Variants in CDC25C observed in about 807,000 individuals in gnomAD.
CDC25C encodes the protein M-phase inducer phosphatase 3.
A neutral mutation model predicts 52.5 loss-of-function variants in CDC25C; 48 were observed. That is an observed-to-expected ratio of 0.91 (90% CI 0.72 to 1.16). The LOEUF is 1.16. CDC25C is among the 50% of genes most tolerant of loss of function. The pLI, the probability that CDC25C is intolerant of heterozygous loss-of-function variation, is 0.00. For missense variants in CDC25C, 510 were observed against 566.1 expected (o/e 0.90, Z 1.01); for synonymous variants, 187 against 206.5 (o/e 0.91, Z 0.81).
chr5:138,323,734 G>A (rs920804116), intron 6 of CDC25C, among the ~76,000 whole-genome samples: 14 of 152,180 alleles, frequency 9.2e-5, no homozygotes, highest in Admixed American at 9.2e-4. Flanking sequence ...GCCGAGGTGG[G>A]TGGATCACAA....
intron 7 of CDC25C, among the ~76,000 whole-genome samples, chr5:138,304,571 T>C (rs1240562417): frequency 6.6e-6 from 1 of 151,494 alleles, no homozygotes; most frequent in African/African-American, 2.4e-5. Context: ...AGTGGCACGA[T>C]CATGGCTCAC....
intron 7 of CDC25C, among the ~76,000 whole-genome samples, chr5:138,298,414 C>T (rs777730215): frequency 6.6e-6 from 1 of 152,106 alleles, no homozygotes; most frequent in Non-Finnish European, 1.5e-5. Context: ...CATTCTTCTC[C>T]AGTACACATG....
chr5:138,285,402 G>C lies in CDC25C; in HGVS notation c.*290C>G, dbSNP rs1039733802. 3.1e-5 allele frequency: 10 copies of C among 327,800 alleles called. No homozygotes were observed. The highest frequency in any genetic ancestry group is 2.1e-4 in the African/African-American group (10 of 46,760). The allele number at this position is 327,800 out of a possible 1,614,324, so 20.3% of individuals were successfully genotyped here. ...CCAGAGAGAAAGAGTTGGCTGGCTTGTGAGAAGACATGAGGAGTTGGGAAA... is the reference window on the plus strand; with the variant it reads ...CCAGAGAGAAAGAGTTGGCTGGCTTCTGAGAAGACATGAGGAGTTGGGAAA... On this transcript the variant is annotated 3_prime_UTR_variant, in exon 14 of 14. Coordinates refer to ENST00000323760, the MANE Select transcript of CDC25C (RefSeq NM_001790.5).
chr5:138,302,175 T>C (rs1466872745), intron 7 of CDC25C, among the ~76,000 whole-genome samples: 1 of 151,102 alleles, frequency 6.6e-6, no homozygotes, highest in Non-Finnish European at 1.5e-5. Context: ...TTGTATTTTT[T>C]TGTAGAGACG....
chr5:138,323,468 C>CT (rs940933929), intron 6 of CDC25C, among the ~76,000 whole-genome samples: 26 of 151,358 alleles, frequency 1.7e-4, no homozygotes, highest in Admixed American at 6.6e-5. Flanking sequence ...CCAGCCATTT[C>CT]TTTTTTTTGG....
rs900084397 is a variant in CDC25C, at chr5:138,313,960, C to T, written c.615+5259G>A. 7.8e-5 allele frequency among the ~76,000 whole-genome samples: 8 copies of T among 103,056 alleles called. No homozygotes were observed. The South Asian group carries it at 2.6e-3, about 34-fold the overall frequency. The allele number at this position is 103,056 out of a possible 152,430, so 67.6% of individuals were successfully genotyped here. A position where few individuals can be genotyped will look rare whatever the true frequency, so the allele number is the denominator to read the frequency against. On this transcript the variant is annotated intron_variant, in intron 7 of 13. Transcript: ENST00000323760. ...TAATATCCTCCCAAACACCTATGTC[C>T]CTTTTTCTTTCTTTCTTTCTTTCTT...
chr5:138,324,280 A>G (rs2126816355), intron 6 of CDC25C, among the ~76,000 whole-genome samples: 1 of 152,160 alleles, frequency 6.6e-6, no homozygotes, highest in East Asian at 1.9e-4. Flanking sequence ...CAAAATAAAT[A>G]AATAAATAAA....
intron 7 of CDC25C, among the ~76,000 whole-genome samples, chr5:138,314,591 C>T (rs1209373206): frequency 6.7e-6 from 1 of 150,126 alleles, no homozygotes; most frequent in Non-Finnish European, 1.5e-5. Flanking sequence ...TCACCGCTCC[C>T]AGCCTATAGC....
At chr5:138,323,088 C>T (rs539603120) in intron 6 of CDC25C, among the ~76,000 whole-genome samples, 9 of 151,696 alleles carry the variant, frequency 5.9e-5, no homozygotes, top group South Asian at 4.2e-4. Flanking sequence ...GGTGCCACCA[C>T]GCCTGGCTAA....
chr5:138,326,115 G>T, intron 4 of CDC25C, 61 bp from the exon 5 acceptor site: 2 of 1,549,558 alleles, frequency 1.3e-6, no homozygotes, highest in Non-Finnish European at 1.8e-6. Context: ...TTATTCTTCA[G>T]TGGATTGGTG....
At chr5:138,310,632 C>T (rs763900418) in intron 7 of CDC25C, among the ~76,000 whole-genome samples, 4 of 152,132 alleles carry the variant, frequency 2.6e-5, no homozygotes, top group African/African-American at 7.2e-5. Flanking sequence ...TTAACTCATT[C>T]GATCCTGACA....
chr5:138,320,915 CAAAAAAAAAAA>C (rs57923567), intron 6 of CDC25C, among the ~76,000 whole-genome samples: 11 of 42,228 alleles, frequency 2.6e-4, no homozygotes, highest in African/African-American at 3.4e-4. Flanking sequence ...GACTCTGTCT[CAAAAAAAAAAA>C]AAAAAAAAAA....
chr5:138,297,735 A>G (rs1007159364), intron 7 of CDC25C, among the ~76,000 whole-genome samples: 1 of 152,238 alleles, frequency 6.6e-6, no homozygotes, highest in Non-Finnish European at 1.5e-5. Context: ...GAAACAAAGA[A>G]GTAGACTAAT....
At chr5:138,329,014 C>T (rs1760117667) in intron 3 of CDC25C, 1 of 159,378 alleles carries the variant, frequency 6.3e-6, no homozygotes, top group East Asian at 1.9e-4. Context: ...AAGAGATTCT[C>T]CTGCCTCAGC....
chr5:138,302,765 A>T (rs1757728917), intron 7 of CDC25C, among the ~76,000 whole-genome samples: 1 of 151,732 alleles, frequency 6.6e-6, no homozygotes, highest in African/African-American at 2.4e-5. Flanking sequence ...ATCTCAATAG[A>T]TACAGAGAAA....
chr5:138,306,666 G>A (rs1010942517), intron 7 of CDC25C, among the ~76,000 whole-genome samples: 2 of 151,874 alleles, frequency 1.3e-5, no homozygotes, highest in Non-Finnish European at 2.9e-5. Context: ...AGTAAAGACG[G>A]GGTTTCATCA....
chr5:138,319,896 G>T (rs1164314444), intron 6 of CDC25C, among the ~76,000 whole-genome samples: 1 of 152,204 alleles, frequency 6.6e-6, no homozygotes, highest in African/African-American at 2.4e-5. Context: ...TTGCTGGTGG[G>T]AATGTAAAAG....
Position 138,291,984 on chromosome 5 carries a change from C to T in CDC25C, c.748G>A (p.Gly250Arg), listed in dbSNP as rs750088334. 1.2e-6 allele frequency: 2 copies of T among 1,607,226 alleles called. No individual in the cohort carries two copies. Among genetic ancestry groups the T allele is most frequent in the Admixed American group, 3.4e-5 (2 of 59,218 alleles). Residue 250 changes from glycine (G) to arginine (R), a missense_variant, in exon 8 of 14, where the codon GGA becomes AGA. Coordinates refer to ENST00000323760, the MANE Select transcript of CDC25C (RefSeq NM_001790.5). ...AAAGTTCTTACCTTCCTGAGCTTTCCTTGGCCAGAAAAATACTTTTTTTTA... is the reference window on the plus strand; with the variant it reads ...AAAGTTCTTACCTTCCTGAGCTTTCTTTGGCCAGAAAAATACTTTTTTTTA... ...KVKKKYFSGQ[G>R]KLRKGLCLKK...
chr5:138,320,305 T>C (rs1759257634), intron 6 of CDC25C, among the ~76,000 whole-genome samples: 1 of 150,968 alleles, frequency 6.6e-6, no homozygotes, highest in Non-Finnish European at 1.5e-5. Flanking sequence ...GACTCCATCT[T>C]GGAAAAAAAA....
Sources: gnomAD v4.1 joint callset for allele counts (sites outside exome capture counted in the v4.1 genomes callset) on GRCh38, gnomAD v4.1.1 for gene constraint, MANE v1.5 for transcripts, NCBI Gene and HGNC (gene_info 2026-07-23, HGNC 2026-07-21) for gene names.